Variants in FHIT observed in about 807,000 individuals in gnomAD.
The protein encoded by FHIT is bis(5'-adenosyl)-triphosphatase.
FHIT carries 19 observed loss-of-function variants against 17.9 expected under a neutral mutation model. That is an observed-to-expected ratio of 1.06 (90% confidence interval 0.74 to 1.56). FHIT has a LOEUF of 1.56. Among genes scored for constraint, FHIT ranks in the 40% most tolerant of loss-of-function variants. The pLI, the probability that FHIT is intolerant of heterozygous loss-of-function variation, is 0.00. For synonymous variants in FHIT, 81 were observed against 69.7 expected, an observed-to-expected ratio of 1.16 and a Z score of -0.81; for missense variants, 248 against 189.2, an observed-to-expected ratio of 1.31 and a Z score of -1.82.
At chr3:60,052,486 T>TA (rs1024087729) in intron 5 of FHIT, among the ~76,000 whole-genome samples, 4 of 152,156 alleles carry the variant, frequency 2.6e-5, no homozygotes, top group African/African-American at 9.7e-5. Context: ...TAAACTTGTC[T>TA]ACAGTTTTTC....
At chr3:60,457,310 G>T (rs1345108707) in intron 5 of FHIT, among the ~76,000 whole-genome samples, 4 of 152,090 alleles carry the variant, frequency 2.6e-5, no homozygotes, top group Admixed American at 2.6e-4. Flanking sequence ...TGACAAACCT[G>T]ACAAAAACAA....
intron 3 of FHIT, chr3:60,856,578 C>A (rs1703394381): frequency 2.6e-5 from 4 of 152,118 alleles, no homozygotes; most frequent in Non-Finnish European, 4.4e-5. Context: ...TAATGAACCA[C>A]AGAAATGACC....
intron 5 of FHIT, among the ~76,000 whole-genome samples, chr3:60,071,965 A>G (rs1034200232): frequency 6.6e-6 from 1 of 152,196 alleles, no homozygotes; most frequent in African/African-American, 2.4e-5. Context: ...CACCATGATT[A>G]TGAGGCTTCC....
chr3:60,713,899 T>C (rs1293790552), intron 4 of FHIT, among the ~76,000 whole-genome samples: 37 of 151,196 alleles, frequency 2.4e-4, no homozygotes, highest in Admixed American at 1.4e-3. Context: ...TTCCAATCAA[T>C]AGAAAAAGAG....
chr3:60,668,787 G>A (rs1265410418), intron 4 of FHIT, among the ~76,000 whole-genome samples: 3 of 151,826 alleles, frequency 2.0e-5, no homozygotes, highest in Admixed American at 6.6e-5. Flanking sequence ...GGATGGTCTC[G>A]CTCTCCTGAC....
At chr3:60,703,347 C>G (rs1553702718) in intron 4 of FHIT, among the ~76,000 whole-genome samples, 1 of 152,170 alleles carries the variant, frequency 6.6e-6, no homozygotes, top group South Asian at 2.1e-4. Context: ...CAATAAATGT[C>G]TGTTATTTTA....
intron 5 of FHIT, among the ~76,000 whole-genome samples, chr3:60,371,300 C>T (rs1029103759): frequency 1.3e-5 from 2 of 152,082 alleles, no homozygotes; most frequent in African/African-American, 2.4e-5. Context: ...TTGGGATATC[C>T]ACCACCTTAA....
intron 1 of FHIT, among the ~76,000 whole-genome samples, chr3:61,209,176 C>T (rs936971647): frequency 1.4e-4 from 21 of 152,256 alleles, no homozygotes; most frequent in Non-Finnish European, 2.1e-4. Context: ...GAGTTTCTGC[C>T]GAGAGATCCG....
At chr3:60,051,239 T>C (rs745401863) in intron 5 of FHIT, among the ~76,000 whole-genome samples, 3 of 151,996 alleles carry the variant, frequency 2.0e-5, no homozygotes, top group Non-Finnish European at 2.9e-5. Flanking sequence ...AGCCTGAGGC[T>C]GTCTCCGTAA....
At chr3:60,654,956 T>C (rs9866904) in intron 4 of FHIT, among the ~76,000 whole-genome samples, 40,765 of 151,822 alleles carry the variant, frequency 0.27, 6,462 homozygotes, top group East Asian at 0.75. Context: ...TCCTGTGATG[T>C]GTGGAGGCAA....
intron 3 of FHIT, among the ~76,000 whole-genome samples, chr3:60,957,610 T>G (rs1709234396): frequency 6.6e-6 from 1 of 152,222 alleles, no homozygotes; most frequent in South Asian, 2.1e-4. Context: ...CTGCATATTC[T>G]TTTTTCAGTT....
chr3:60,225,635 G>A (rs914191782), intron 5 of FHIT, among the ~76,000 whole-genome samples: 2 of 152,182 alleles, frequency 1.3e-5, no homozygotes, highest in African/African-American at 4.8e-5. Flanking sequence ...AGGGAGATTT[G>A]AGTAGACGCT....
At chr3:61,091,032 A>G (rs2035465028) in intron 2 of FHIT, among the ~76,000 whole-genome samples, 1 of 152,196 alleles carries the variant, frequency 6.6e-6, no homozygotes, top group African/African-American at 2.4e-5. Context: ...TTAAAAACAG[A>G]AACTCCATTT....
chr3:60,808,586 T>C (rs1366958550), intron 4 of FHIT, among the ~76,000 whole-genome samples: 1 of 152,172 alleles, frequency 6.6e-6, no homozygotes, highest in Non-Finnish European at 1.5e-5. Flanking sequence ...AACCTCACTG[T>C]ATAAAAAAGA....
chr3:60,513,196 T>C (rs1177281072), intron 5 of FHIT, among the ~76,000 whole-genome samples: 1 of 152,198 alleles, frequency 6.6e-6, no homozygotes, highest in Non-Finnish European at 1.5e-5. Flanking sequence ...ACGGCACAGA[T>C]ATATCAAGAT....
At chr3:60,184,927 G>T (rs921631630) in intron 5 of FHIT, among the ~76,000 whole-genome samples, 2 of 152,124 alleles carry the variant, frequency 1.3e-5, no homozygotes, top group Non-Finnish European at 2.9e-5. Context: ...AACTCCTTGA[G>T]TTGGCTCCTA....
chr3:60,146,942 G>C (rs182685533), intron 5 of FHIT, among the ~76,000 whole-genome samples: 3 of 152,254 alleles, frequency 2.0e-5, no homozygotes, highest in Admixed American at 1.3e-4. Flanking sequence ...TATAAAATGT[G>C]AAGATATATA....
At chr3:60,908,263 T>C (rs1553765021) in intron 3 of FHIT, among the ~76,000 whole-genome samples, 1 of 152,144 alleles carries the variant, frequency 6.6e-6, no homozygotes, top group African/African-American at 2.4e-5. Flanking sequence ...GTATGTTCAG[T>C]CATGAGTATT....
chr3:60,434,764 T>A (rs1212069960), intron 5 of FHIT, among the ~76,000 whole-genome samples: 1 of 152,130 alleles, frequency 6.6e-6, no homozygotes, highest in Non-Finnish European at 1.5e-5. Flanking sequence ...CCTAATTATT[T>A]TGAAACATTT....
Sources: allele counts gnomAD v4.1 joint callset (sites outside exome capture counted in the v4.1 genomes callset), GRCh38; gene constraint gnomAD v4.1.1; transcripts MANE v1.5; gene names NCBI Gene and HGNC (gene_info 2026-07-23, HGNC 2026-07-21).